Variants in IFT56 observed in about 807,000 individuals in gnomAD.
The protein encoded by IFT56 is intraflagellar transport protein 56.
At chr7:139,147,340 C>A in the IFT56 span, 5 of 1,485,886 alleles carry the variant, frequency 3.4e-6, no homozygotes, top group South Asian at 1.3e-5. Flanking sequence ...TTGTTAGTTT[C>A]TTCTTTAACT....
chr7:139,137,858 T>C, the IFT56 span: 24 of 1,612,896 alleles, frequency 1.5e-5, no homozygotes, highest in East Asian at 2.2e-5. Flanking sequence ...TCAAACGTCA[T>C]GTTGGGGAAG....
chr7:139,173,169 C>A, the IFT56 span: 1 of 606,642 alleles, frequency 1.6e-6, no homozygotes, highest in South Asian at 2.1e-5. Flanking sequence ...CCTCCTGGAT[C>A]GTATTAGTGT....
the IFT56 span, among the ~76,000 whole-genome samples, chr7:139,145,812 A>G: frequency 6.6e-6 from 1 of 152,024 alleles, no homozygotes; most frequent in Non-Finnish European, 1.5e-5. Flanking sequence ...TTAGTAGTGA[A>G]AGTCTTTGAT....
the IFT56 span, chr7:139,187,312 T>A: frequency 6.8e-7 from 1 of 1,460,148 alleles, no homozygotes; most frequent in South Asian, 1.4e-5. Context: ...ATGCACTTAT[T>A]TCATACAGTC....
the IFT56 span, among the ~76,000 whole-genome samples, chr7:139,162,002 G>C: frequency 2.0e-5 from 3 of 152,172 alleles, no homozygotes; most frequent in South Asian, 6.2e-4. Flanking sequence ...GTTATTGTAA[G>C]AGTCTTGACA....
At chr7:139,167,555 T>A in the IFT56 span, among the ~76,000 whole-genome samples, 9 of 152,234 alleles carry the variant, frequency 5.9e-5, no homozygotes, top group African/African-American at 2.2e-4. Flanking sequence ...GCCCCAGGAC[T>A]CCAAAAGAGA....
At chr7:139,139,989 G>A in the IFT56 span, 1 of 1,608,438 alleles carries the variant, frequency 6.2e-7, no homozygotes, top group African/African-American at 1.3e-5. Context: ...ACAAGCTGAA[G>A]CAGCTGGATT....
the IFT56 span, among the ~76,000 whole-genome samples, chr7:139,167,426 G>C: frequency 0.26 from 39,398 of 152,006 alleles, 9,395 homozygotes; most frequent in African/African-American, 0.61. Context: ...TTAAAAGATT[G>C]AGCTTCTTTC....
the IFT56 span, chr7:139,161,038 C>G: frequency 6.2e-7 from 1 of 1,610,086 alleles, no homozygotes. Context: ...TAACGATTTC[C>G]CGTCTTGACT....
At chr7:139,173,077 G>GTGGCTGGTTCACTAATGGT in the IFT56 span, 1 of 732,654 alleles carries the variant, frequency 1.4e-6, no homozygotes, top group South Asian at 1.5e-5. Flanking sequence ...CCTTTTGTGG[G>GTGGCTGGTTCACTAATGGT]TGGCTGGTTC....
the IFT56 span, among the ~76,000 whole-genome samples, chr7:139,176,487 G>C: frequency 6.6e-6 from 1 of 151,988 alleles, no homozygotes; most frequent in Non-Finnish European, 1.5e-5. Context: ...GTTATATAAT[G>C]TTCACCTATA....
the IFT56 span, among the ~76,000 whole-genome samples, chr7:139,139,512 G>A: frequency 6.6e-6 from 1 of 152,196 alleles, no homozygotes; most frequent in Non-Finnish European, 1.5e-5. Context: ...AATGAAACTT[G>A]GAGTGTATTA....
chr7:139,153,144 G>A, the IFT56 span, among the ~76,000 whole-genome samples: 6 of 133,066 alleles, frequency 4.5e-5, no homozygotes, highest in Middle Eastern at 4.0e-3. Flanking sequence ...GCAAGACTCC[G>A]TCTCCGGAAA....
chr7:139,173,662 C>G, the IFT56 span: 1 of 775,490 alleles, frequency 1.3e-6, no homozygotes, highest in Admixed American at 1.7e-5. Flanking sequence ...GGATATAATG[C>G]ACGTTCATAT....
the IFT56 span, among the ~76,000 whole-genome samples, chr7:139,183,364 C>T: frequency 2.6e-5 from 4 of 152,026 alleles, no homozygotes; most frequent in Non-Finnish European, 2.9e-5. Context: ...ACAGGAACAG[C>T]AGGAAAACGA....
At chr7:139,171,967 G>T in the IFT56 span, among the ~76,000 whole-genome samples, 1 of 152,096 alleles carries the variant, frequency 6.6e-6, no homozygotes, top group Non-Finnish European at 1.5e-5. Flanking sequence ...ATGTTTCATA[G>T]AGAGGGAACT....
chr7:139,144,273 G>T, the IFT56 span, among the ~76,000 whole-genome samples: 4 of 152,018 alleles, frequency 2.6e-5, no homozygotes, highest in East Asian at 7.7e-4. Context: ...TTCTAGGTAG[G>T]TAATTATTTT....
At chr7:139,188,566 A>C in the IFT56 span, among the ~76,000 whole-genome samples, 3 of 152,254 alleles carry the variant, frequency 2.0e-5, no homozygotes, top group East Asian at 5.8e-4. Context: ...TCTAGTTCTA[A>C]GTAAAAGTTT....
At chr7:139,143,695 C>G in the IFT56 span, among the ~76,000 whole-genome samples, 2 of 151,960 alleles carry the variant, frequency 1.3e-5, no homozygotes, top group African/African-American at 4.8e-5. Flanking sequence ...ATACAGTTAG[C>G]TTCATAACTG....
Sources: gnomAD v4.1 joint callset for allele counts (sites outside exome capture counted in the v4.1 genomes callset) on GRCh38, gnomAD v4.1.1 for gene constraint, MANE v1.5 for transcripts, NCBI Gene and HGNC (gene_info 2026-07-23, HGNC 2026-07-21) for gene names.